FBXW7: variants seen among roughly 807,000 people sequenced by gnomAD.
FBXW7 encodes the protein F-box/WD repeat-containing protein 7.
Under a neutral mutation model 86.3 loss-of-function variants are expected in FBXW7, and 11 were observed. The observed-to-expected ratio is 0.13, with a 90% confidence interval of 0.08 to 0.21. The LOEUF (loss-of-function observed/expected upper bound fraction) is 0.21, where lower values mean the gene tolerates loss of function less well. FBXW7 is among the 10% of genes least tolerant of loss of function. FBXW7 has a pLI of 1.00. For synonymous variants in FBXW7, 313 were observed against 297.9 expected (o/e 1.05, Z -0.52); for missense variants, 488 against 847.4 (o/e 0.58, Z 5.27).
intron 4 of FBXW7, among the ~76,000 whole-genome samples, chr4:152,407,333 T>C (rs1271749045): frequency 1.3e-5 from 2 of 152,318 alleles, no homozygotes; most frequent in East Asian, 1.9e-4. Flanking sequence ...TGGCTATTCA[T>C]TGGGCCATGT....
chr4:152,447,023 T>C (rs977154354), intron 2 of FBXW7, among the ~76,000 whole-genome samples: 4 of 152,176 alleles, frequency 2.6e-5, no homozygotes, highest in African/African-American at 9.7e-5. Context: ...TTTTCAATTT[T>C]CCATAATTAA....
At chr4:152,492,607 T>C (rs1745967622) in intron 2 of FBXW7, among the ~76,000 whole-genome samples, 1 of 152,202 alleles carries the variant, frequency 6.6e-6, no homozygotes, top group Non-Finnish European at 1.5e-5. Context: ...AAGTCTGCAT[T>C]TCCCTAATAA....
chr4:152,461,002 C>T (rs753732106), intron 2 of FBXW7, among the ~76,000 whole-genome samples: 4 of 152,124 alleles, frequency 2.6e-5, no homozygotes, highest in South Asian at 4.1e-4. Flanking sequence ...TTTGCTTGGC[C>T]GAGCACAGTG....
At chr4:152,437,732 T>C (rs539749829) in intron 2 of FBXW7, among the ~76,000 whole-genome samples, 4 of 152,276 alleles carry the variant, frequency 2.6e-5, no homozygotes, top group South Asian at 2.1e-4. Context: ...GCAAACTTCA[T>C]TGTTATTTTA....
In FBXW7 at chr4:152,375,805, TTAA is replaced by T. The variant is rs971874444; in HGVS notation, c.502-25684_502-25682del. ...CTGATACAATTTTTTCTGAAAAAAT[TTAA>T]TAATATTTATCAAGAATCTAAAGAA... On this transcript the variant is annotated intron_variant, in intron 4 of 13. Transcript: ENST00000281708. Among the ~76,000 whole-genome samples the T allele has an allele frequency of 1.1e-4, 16 of 152,128 alleles. 1 individual carries two copies. The Middle Eastern group carries it at 0.01, about 98-fold the overall frequency.
intron 2 of FBXW7, among the ~76,000 whole-genome samples, chr4:152,478,077 AT>A (rs1460877319): frequency 6.6e-6 from 1 of 152,156 alleles, no homozygotes; most frequent in African/African-American, 2.4e-5. Context: ...GTATCATAAA[AT>A]ATACATAAAA....
intron 7 of FBXW7, among the ~76,000 whole-genome samples, chr4:152,336,112 A>G (rs1175738917): frequency 6.6e-6 from 1 of 152,170 alleles, no homozygotes; most frequent in African/African-American, 2.4e-5. Context: ...TAGACAATAA[A>G]GCATTTTTCA....
intron 5 of FBXW7, 95 bp from the exon 6 acceptor site, chr4:152,347,166 C>T: frequency 9.7e-7 from 1 of 1,027,944 alleles, no homozygotes; most frequent in South Asian, 1.7e-5. Context: ...GATTCTAGTA[C>T]AAAGAATGAT....
intron 8 of FBXW7, 150 bp from the exon 9 acceptor site, chr4:152,331,018 C>A: frequency 2.4e-5 from 16 of 673,060 alleles, no homozygotes; most frequent in Non-Finnish European, 3.6e-5. Flanking sequence ...ATACTGTTAT[C>A]ACAGTATGTA....
intron 4 of FBXW7, among the ~76,000 whole-genome samples, chr4:152,372,677 T>A (rs1411894341): frequency 6.6e-6 from 1 of 151,998 alleles, no homozygotes; most frequent in African/African-American, 2.4e-5. Flanking sequence ...ATATTTTTCA[T>A]CTGTCTTCTA....
chr4:152,383,826 T>C (rs1206824099), intron 4 of FBXW7, among the ~76,000 whole-genome samples: 1 of 152,142 alleles, frequency 6.6e-6, no homozygotes, highest in Admixed American at 6.6e-5. Context: ...TATACCACAA[T>C]TTAAAATGTA....
intron 4 of FBXW7, among the ~76,000 whole-genome samples, chr4:152,369,293 A>G (rs1232976550): frequency 6.6e-6 from 1 of 152,098 alleles, no homozygotes; most frequent in African/African-American, 2.4e-5. Flanking sequence ...AGCTCTTCAC[A>G]GATAAGGCTT....
At chr4:152,384,337 T>C (rs984130570) in intron 4 of FBXW7, among the ~76,000 whole-genome samples, 2 of 152,088 alleles carry the variant, frequency 1.3e-5, no homozygotes, top group African/African-American at 4.8e-5. Flanking sequence ...AAGGGAACAT[T>C]ATTCAGCTCT....
chr4:152,377,504 C>A (rs1271749985), intron 4 of FBXW7, among the ~76,000 whole-genome samples: 1 of 151,810 alleles, frequency 6.6e-6, no homozygotes, highest in Admixed American at 6.6e-5. Flanking sequence ...GTAATCCCAG[C>A]CCTCTGGGAG....
chr4:152,424,156 C>T (rs898415471), intron 2 of FBXW7, among the ~76,000 whole-genome samples: 16 of 152,002 alleles, frequency 1.1e-4, no homozygotes, highest in Non-Finnish European at 1.5e-4. Flanking sequence ...TGAAAGCCAC[C>T]GTACCTGGCC....
At chr4:152,421,595 G>C (rs933792795) in intron 2 of FBXW7, among the ~76,000 whole-genome samples, 13 of 152,164 alleles carry the variant, frequency 8.5e-5, no homozygotes, top group African/African-American at 3.1e-4. Context: ...CTCACAACTT[G>C]GATGTTTGGC....
chr4:152,430,834 TTTAAAA>T (rs796623652), intron 2 of FBXW7, among the ~76,000 whole-genome samples: 33 of 152,348 alleles, frequency 2.2e-4, no homozygotes, highest in African/African-American at 7.7e-4. Flanking sequence ...TCTGACAATC[TTTAAAA>T]TTAATATGTT....
intron 4 of FBXW7, among the ~76,000 whole-genome samples, chr4:152,374,721 GCCTAAGGA>G (rs1479027785): frequency 1.3e-5 from 2 of 152,036 alleles, no homozygotes; most frequent in East Asian, 3.8e-4. Flanking sequence ...CATATAGTAT[GCCTAAGGA>G]CCAAAGATAA....
intron 2 of FBXW7, among the ~76,000 whole-genome samples, chr4:152,472,953 G>C (rs547646714): frequency 5.9e-5 from 9 of 152,200 alleles, no homozygotes; most frequent in African/African-American, 2.2e-4. Context: ...ATGTTTAAGA[G>C]TAGTTTCAAT....
Sources: allele counts gnomAD v4.1 joint callset (sites outside exome capture counted in the v4.1 genomes callset), GRCh38; gene constraint gnomAD v4.1.1; transcripts MANE v1.5; gene names NCBI Gene and HGNC (gene_info 2026-07-23, HGNC 2026-07-21).